PRKG1: variants seen among roughly 807,000 people sequenced by gnomAD.
The protein encoded by PRKG1 is cGMP-dependent protein kinase 1.
Under a neutral mutation model 88.1 loss-of-function variants are expected in PRKG1, and 35 were observed. The observed-to-expected ratio is 0.40, with a 90% CI of 0.30 to 0.53. The LOEUF is 0.53. Ranked by LOEUF, PRKG1 falls within the 20% of genes least tolerant of loss-of-function variation. The probability of loss-of-function intolerance (pLI) is 0.59; values close to 1 mark genes in which losing one functional copy is unlikely to be tolerated. For missense variants in PRKG1, 540 were observed against 839.8 expected, an observed-to-expected ratio of 0.64 and a Z score of 4.41; for synonymous variants, 303 against 292.5, an observed-to-expected ratio of 1.04 and a Z score of -0.37.
intron 1 of PRKG1, among the ~76,000 whole-genome samples, chr10:51,129,837 C>T (rs1845520178): frequency 6.6e-6 from 1 of 152,106 alleles, no homozygotes; most frequent in Non-Finnish European, 1.5e-5. Flanking sequence ...ACATTTTTCC[C>T]TCACTCCATA....
chr10:51,058,021 G>C (rs1843650556), intron 1 of PRKG1, among the ~76,000 whole-genome samples: 1 of 152,100 alleles, frequency 6.6e-6, no homozygotes, highest in Non-Finnish European at 1.5e-5. Context: ...ACTAAGGATT[G>C]CTGTGAATTC....
intron 9 of PRKG1, among the ~76,000 whole-genome samples, chr10:52,186,860 G>C (rs1050731312): frequency 1.3e-5 from 2 of 152,152 alleles, no homozygotes; most frequent in Non-Finnish European, 2.9e-5. Flanking sequence ...TGTTGAAAAT[G>C]AGCCTCGACT....
chr10:51,270,233 T>C (rs867045147), intron 2 of PRKG1, among the ~76,000 whole-genome samples: 21 of 152,294 alleles, frequency 1.4e-4, no homozygotes, highest in Admixed American at 4.6e-4. Context: ...TGGACATAGG[T>C]TATGATTGAA....
chr10:51,527,756 T>G (rs1311302346), intron 3 of PRKG1, among the ~76,000 whole-genome samples: 1 of 152,232 alleles, frequency 6.6e-6, no homozygotes, highest in Non-Finnish European at 1.5e-5. Context: ...AGTAGAGTTA[T>G]ACAAAGTCTT....
At chr10:51,419,000 A>T (rs1838329526) in intron 2 of PRKG1, among the ~76,000 whole-genome samples, 1 of 152,186 alleles carries the variant, frequency 6.6e-6, no homozygotes, top group African/African-American at 2.4e-5. Flanking sequence ...AATATGTCTT[A>T]CGTAGTTATT....
chr10:51,939,880 C>A (rs1277842540), intron 5 of PRKG1, among the ~76,000 whole-genome samples: 1 of 151,906 alleles, frequency 6.6e-6, no homozygotes, highest in Non-Finnish European at 1.5e-5. Context: ...TGTTTACATT[C>A]TCTTAGTTAT....
chr10:52,187,852 T>C (rs1839238637), intron 9 of PRKG1, among the ~76,000 whole-genome samples: 1 of 152,148 alleles, frequency 6.6e-6, no homozygotes, highest in South Asian at 2.1e-4. Flanking sequence ...CATCTGTACA[T>C]CCTCAGGTGC....
chr10:51,908,707 C>CTATCTATCTATCTATCTATCTATCTA (rs59765790), intron 5 of PRKG1: 7 of 141,652 alleles, frequency 4.9e-5, no homozygotes, highest in Non-Finnish European at 7.7e-5. Context: ...CTCTCTCTCT[C>CTATCTATCTATCTATCTATCTATCTA]TCTCTCTGTC....
At chr10:52,156,802 AC>A (rs1838119089) in intron 8 of PRKG1, among the ~76,000 whole-genome samples, 2 of 151,820 alleles carry the variant, frequency 1.3e-5, no homozygotes, top group Middle Eastern at 3.2e-3. Flanking sequence ...GCTAAGTAAA[AC>A]GTCTCAACTA....
intron 1 of PRKG1, among the ~76,000 whole-genome samples, chr10:51,002,883 G>A (rs1351577447): frequency 6.6e-6 from 1 of 152,168 alleles, no homozygotes; most frequent in Non-Finnish European, 1.5e-5. Flanking sequence ...CTCAGATACT[G>A]TGTTAGATCA....
In PRKG1 at chr10:51,083,951, T is replaced by C. The variant is rs376075555; in HGVS notation, c.311+9050T>C. On this transcript the variant is annotated intron_variant, in intron 1 of 17. Coordinates refer to ENST00000373980, the MANE Select transcript of PRKG1 (RefSeq NM_006258.4). ...AGGTGAGGATCAGCCAATATAGCAC[T>C]TTATATAAGCAATGAAAATAGCTAA... Among the ~76,000 whole-genome samples the C allele has an allele frequency of 3.3e-5, 5 of 152,214 alleles. No individual in the cohort carries two copies. The South Asian group carries it at 1.0e-3, about 32-fold the overall frequency.
At chr10:51,741,968 C>A (rs916050524) in intron 3 of PRKG1, among the ~76,000 whole-genome samples, 3 of 152,208 alleles carry the variant, frequency 2.0e-5, no homozygotes, top group African/African-American at 4.8e-5. Flanking sequence ...ATAAACATGT[C>A]TCCCTAAAGT....
chr10:51,069,130 T>C (rs1226992818), intron 1 of PRKG1, among the ~76,000 whole-genome samples: 1 of 151,940 alleles, frequency 6.6e-6, no homozygotes, highest in Non-Finnish European at 1.5e-5. Flanking sequence ...TCATTTCACC[T>C]AATATTAAGC....
At chr10:52,205,866 C>T (rs1191388022) in intron 9 of PRKG1, among the ~76,000 whole-genome samples, 3 of 151,818 alleles carry the variant, frequency 2.0e-5, no homozygotes, top group Non-Finnish European at 4.4e-5. Context: ...TCATGTCAAC[C>T]TTGGAGTGTC....
chr10:51,948,959 C>G (rs1843121627), intron 5 of PRKG1, among the ~76,000 whole-genome samples: 1 of 152,148 alleles, frequency 6.6e-6, no homozygotes, highest in African/African-American at 2.4e-5. Context: ...TTGAATACCT[C>G]TCCCAATTAT....
At chr10:51,800,438 T>G (rs1421529139) in intron 3 of PRKG1, among the ~76,000 whole-genome samples, 2 of 152,062 alleles carry the variant, frequency 1.3e-5, no homozygotes, top group Admixed American at 6.6e-5. Context: ...ACCTTAAACA[T>G]GCACAGAACA....
intron 2 of PRKG1, among the ~76,000 whole-genome samples, chr10:51,209,713 T>A (rs1447910733): frequency 6.6e-6 from 1 of 152,172 alleles, no homozygotes. Context: ...TAATAAGGCA[T>A]GAAAGCAAAA....
chr10:52,012,391 A>G (rs897381884), intron 5 of PRKG1, among the ~76,000 whole-genome samples: 21 of 151,718 alleles, frequency 1.4e-4, no homozygotes, highest in Non-Finnish European at 8.8e-5. Flanking sequence ...ACAGGTGCCC[A>G]CCACCACTCC....
chr10:52,273,120 T>G (rs1262265187), intron 12 of PRKG1, among the ~76,000 whole-genome samples: 2 of 152,122 alleles, frequency 1.3e-5, no homozygotes, highest in Non-Finnish European at 2.9e-5. Flanking sequence ...TTGTTTGTTC[T>G]AATCATGCAA....
Sources: allele counts gnomAD v4.1 joint callset (sites outside exome capture counted in the v4.1 genomes callset), GRCh38; gene constraint gnomAD v4.1.1; transcripts MANE v1.5; gene names NCBI Gene and HGNC (gene_info 2026-07-23, HGNC 2026-07-21).